Variants in HMCN1 observed in about 807,000 individuals in gnomAD.
HMCN1 encodes hemicentin 1, also known as hemicentin-1.
Under a neutral mutation model 625.9 loss-of-function variants are expected in HMCN1, and 321 were observed. That is an observed-to-expected ratio of 0.51 (90% CI 0.47 to 0.56). HMCN1 has a LOEUF of 0.56. HMCN1 is among the 20% of genes least tolerant of loss of function. The pLI is 0.00. For missense variants in HMCN1, 6,588 were observed against 6,887.3 expected (o/e 0.96, Z 1.54); for synonymous variants, 2,425 against 2,417.6 (o/e 1.00, Z -0.09).
intron 6 of HMCN1, among the ~76,000 whole-genome samples, chr1:185,913,203 T>G (rs1006158788): frequency 6.6e-6 from 1 of 152,212 alleles, no homozygotes; most frequent in East Asian, 1.9e-4. Context: ...TGAAAAGGCA[T>G]GTGAAAGAAA....
At chr1:185,910,168 A>G (rs575996822) in intron 5 of HMCN1, among the ~76,000 whole-genome samples, 6 of 152,248 alleles carry the variant, frequency 3.9e-5, no homozygotes, top group African/African-American at 1.4e-4. Context: ...CAAAATAGTT[A>G]TATTTCCACT....
intron 1 of HMCN1, among the ~76,000 whole-genome samples, chr1:185,829,779 A>G (rs747112215): frequency 6.6e-6 from 1 of 152,156 alleles, no homozygotes; most frequent in Admixed American, 6.5e-5. Context: ...CAGTAATGGG[A>G]TTGCTGGGTC....
intron 10 of HMCN1, among the ~76,000 whole-genome samples, chr1:185,929,834 A>C (rs1667456473): frequency 6.6e-6 from 1 of 152,332 alleles, no homozygotes; most frequent in Non-Finnish European, 1.5e-5. Context: ...ACAATTTAGC[A>C]AGTTGACATA....
intron 97 of HMCN1, among the ~76,000 whole-genome samples, chr1:186,161,672 A>T (rs1295316742): frequency 6.6e-6 from 1 of 151,832 alleles, no homozygotes; most frequent in Non-Finnish European, 1.5e-5. Flanking sequence ...TTTCTCCTTC[A>T]CTTATGAAGC....
At chr1:185,990,527 A>G in intron 22 of HMCN1, 84 bp downstream of exon 22, 1 of 1,194,062 alleles carries the variant, frequency 8.4e-7, no homozygotes, top group Non-Finnish European at 1.2e-6. Flanking sequence ...AGGTTATCAA[A>G]CGTCTCAAAA....
chr1:186,044,994 A>T (rs906645389), intron 40 of HMCN1, among the ~76,000 whole-genome samples: 4 of 152,132 alleles, frequency 2.6e-5, no homozygotes, highest in African/African-American at 9.7e-5. Context: ...GGGAATCCTA[A>T]TGTTAATCTC....
At chr1:186,124,546 G>A (rs879738084) in intron 81 of HMCN1, among the ~76,000 whole-genome samples, 6 of 151,910 alleles carry the variant, frequency 3.9e-5, no homozygotes, top group South Asian at 2.1e-4. Context: ...GAGTATTTAC[G>A]ATGTACCATT....
intron 1 of HMCN1, among the ~76,000 whole-genome samples, chr1:185,787,425 A>C (rs1283115079): frequency 6.6e-6 from 1 of 152,204 alleles, no homozygotes; most frequent in Non-Finnish European, 1.5e-5. Flanking sequence ...TGGCAGAAGC[A>C]CACCCAGTGC....
At chr1:185,890,780 A>T (rs1224977377) in intron 4 of HMCN1, among the ~76,000 whole-genome samples, 24 of 78,558 alleles carry the variant, frequency 3.1e-4, no homozygotes, top group African/African-American at 1.5e-3. Context: ...AAAAAAATGT[A>T]TATTCTGTTG....
chr1:185,963,856 G>C lies in HMCN1; in HGVS notation c.2059G>C (p.Ala687Pro). The change falls in exon 13 of 107, where the codon GCT becomes CCT. Residue 687 changes from alanine (A) to proline (P), a missense_variant. By Grantham distance (27) the Ala-to-Pro change is conservative. Around this residue, in one of 3 missense-constraint regions of HMCN1, gnomAD observed 4,628 missense variants for 4,853.1 expected, o/e 0.95. Coordinates refer to ENST00000271588, the MANE Select transcript of HMCN1 (RefSeq NM_031935.3). ...CTATGGTTGCCTAGCAAGTAATTCAGCTGGAACAGATAAACAGAATTCTAC... is the reference window on the plus strand; with the variant it reads ...CTATGGTTGCCTAGCAAGTAATTCACCTGGAACAGATAAACAGAATTCTAC... ...GIYGCLASNSAGTDKQNSTLR... is the reference protein window; with the variant it reads ...GIYGCLASNSPGTDKQNSTLR... The C allele has an allele frequency of 6.2e-7, 1 of 1,612,248 alleles. No homozygotes were observed.
chr1:186,119,819 G>C lies in HMCN1; in HGVS notation c.12031G>C (p.Ala4011Pro). ...CAATCCTATTTTATTACCATGTGAA[G>C]CAACAGGGACACCCAGTCCTTTCAT... ...LNNPILLPCE[A>P]TGTPSPFITW... is the part of the protein sequence containing the mutation. The change falls in exon 79 of 107, where the codon GCA becomes CCA. Residue 4011 changes from alanine to proline, a missense_variant. Ala to Pro is a conservative substitution (Grantham distance 27, BLOSUM62 -1). Coordinates refer to ENST00000271588, the MANE Select transcript of HMCN1 (RefSeq NM_031935.3). 6.2e-7 allele frequency: 1 copy of C among 1,614,082 alleles called. No homozygotes were observed. The highest frequency in any genetic ancestry group is 8.5e-7 in the Non-Finnish European group (1 of 1,179,966).
At chr1:185,870,506 A>G (rs1190313679) in intron 4 of HMCN1, among the ~76,000 whole-genome samples, 1 of 152,124 alleles carries the variant, frequency 6.6e-6, no homozygotes, top group Non-Finnish European at 1.5e-5. Flanking sequence ...AGCCTGTTGT[A>G]TTGGTCCGAT....
At chr1:186,181,899 G>T (rs1218626057) in intron 104 of HMCN1, among the ~76,000 whole-genome samples, 1 of 151,970 alleles carries the variant, frequency 6.6e-6, no homozygotes, top group Admixed American at 6.6e-5. Flanking sequence ...TATAAAAATT[G>T]ACCCGTTTGG....
intron 60 of HMCN1, 59 bp downstream of exon 60, chr1:186,087,704 GC>G: frequency 6.6e-7 from 1 of 1,505,008 alleles, no homozygotes; most frequent in Non-Finnish European, 9.2e-7. Context: ...TGGAAAAGAT[GC>G]TTGGAAGTTG....
At chr1:186,086,155 T>C in intron 57 of HMCN1, 91 bp from the exon 58 acceptor site, 1 of 1,181,652 alleles carries the variant, frequency 8.5e-7, no homozygotes, top group Non-Finnish European at 1.3e-6. Context: ...CTCAGTCCTT[T>C]AGCAGAGTAC....
At chr1:186,040,029 C>A (rs1656104198) in intron 39 of HMCN1, 150 bp downstream of exon 39, 2 of 778,210 alleles carry the variant, frequency 2.6e-6, no homozygotes, top group African/African-American at 1.7e-5. Context: ...ACACCATGGA[C>A]ACATAACTGG....
In HMCN1 at chr1:186,088,029, T is replaced by A; in HGVS notation, c.9445+16T>A. 1 of 1,612,454 alleles carries A rather than the reference T, an allele frequency of 6.2e-7. No individual in the cohort carries two copies. Among genetic ancestry groups the A allele is most frequent in the Non-Finnish European group, 8.5e-7 (1 of 1,178,828 alleles). On this transcript the variant is annotated intron_variant, in intron 61 of 106. Coordinates refer to ENST00000271588, the MANE Select transcript of HMCN1 (RefSeq NM_031935.3). Reference sequence around the variant, plus strand: ...AATGTATATGGTGAGCATTTGCCTCTAATACAACTCTTTTTCCCCTAGATA... The same window carrying A: ...AATGTATATGGTGAGCATTTGCCTCAAATACAACTCTTTTTCCCCTAGATA...
chr1:186,075,877 A>G (rs1658781152), intron 53 of HMCN1, among the ~76,000 whole-genome samples: 1 of 152,074 alleles, frequency 6.6e-6, no homozygotes, highest in South Asian at 2.1e-4. Context: ...TTTTTCTGTG[A>G]TAAATTTTAT....
intron 2 of HMCN1, among the ~76,000 whole-genome samples, chr1:185,863,665 A>C (rs1194921740): frequency 6.6e-6 from 1 of 152,224 alleles, no homozygotes; most frequent in Non-Finnish European, 1.5e-5. Flanking sequence ...AATCCACATA[A>C]TTATGAAGGA....
Sources: gnomAD v4.1 joint callset for allele counts (sites outside exome capture counted in the v4.1 genomes callset) on GRCh38, gnomAD v4.1.1 for gene constraint, gnomAD v4.1.1 regional missense constraint, MANE v1.5 for transcripts, NCBI Gene and HGNC (gene_info 2026-07-23, HGNC 2026-07-21) for gene names.